PARVA: variants seen among roughly 807,000 people sequenced by gnomAD.
PARVA encodes the protein alpha-parvin.
In PARVA, 25 loss-of-function variants were observed where a neutral mutation model predicts 52.6. That is an observed-to-expected ratio of 0.48 (90% CI 0.35 to 0.66). The LOEUF (loss-of-function observed/expected upper bound fraction) is 0.66, where lower values mean the gene tolerates loss of function less well. Ranked by LOEUF, PARVA falls within the 30% of genes least tolerant of loss-of-function variation. The pLI is 0.01. For missense variants in PARVA, 373 were observed against 450.9 expected (o/e 0.83, Z 1.56); for synonymous variants, 185 against 179.1 (o/e 1.03, Z -0.26).
intron 1 of PARVA, among the ~76,000 whole-genome samples, chr11:12,467,316 T>C (rs1300963052): frequency 6.6e-6 from 1 of 152,214 alleles, no homozygotes; most frequent in Non-Finnish European, 1.5e-5. Flanking sequence ...TTTAGAAATA[T>C]CACCGGCAAA....
At chr11:12,418,164 G>A (rs545908430) in intron 1 of PARVA, among the ~76,000 whole-genome samples, 2 of 152,210 alleles carry the variant, frequency 1.3e-5, no homozygotes, top group Admixed American at 6.5e-5. Context: ...ATCAGCATGG[G>A]CCAAGGGGCC....
intron 4 of PARVA, among the ~76,000 whole-genome samples, chr11:12,482,026 G>T (rs191088383): frequency 2.6e-5 from 4 of 151,384 alleles, no homozygotes; most frequent in Admixed American, 6.6e-5. Context: ...AAAATTAGCC[G>T]GGCATGGTGG....
Position 12,529,234 on chromosome 11 carries a change from T to TAA in PARVA, c.*1309_*1310insAA, listed in dbSNP as rs1941742326. On this transcript the variant is annotated 3_prime_UTR_variant, in exon 13 of 13. Transcript: ENST00000334956. Reference sequence around the variant, plus strand: ...TTTGCGTGGGTTACTCAAGGGCTTGTGGTTACTTGTATCTCCTCTATGTGA... The same window carrying TAA: ...TTTGCGTGGGTTACTCAAGGGCTTGTAAGGTTACTTGTATCTCCTCTATGTGA... 6.6e-6 allele frequency: 1 copy of TAA among 152,196 alleles called. No homozygotes were observed. The highest frequency in any genetic ancestry group is 2.1e-4 in the South Asian group (1 of 4,830). 9.4% of individuals were successfully genotyped at this position (152,196 alleles called of 1,614,324 possible). A position where few individuals can be genotyped will look rare whatever the true frequency, so the allele number is the denominator to read the frequency against.
chr11:12,448,509 A>G (rs1427826156), intron 1 of PARVA, among the ~76,000 whole-genome samples: 1 of 152,174 alleles, frequency 6.6e-6, no homozygotes, highest in Admixed American at 6.5e-5. Flanking sequence ...CTCTGGGATG[A>G]GGTGCTCAGC....
intron 1 of PARVA, among the ~76,000 whole-genome samples, chr11:12,466,547 G>A (rs200311875): frequency 1.3e-5 from 2 of 151,774 alleles, no homozygotes; most frequent in African/African-American, 2.4e-5. Context: ...CTTGTGATCC[G>A]CCCGCCTCGG....
chr11:12,445,600 C>T (rs988186147), intron 1 of PARVA, among the ~76,000 whole-genome samples: 1 of 152,088 alleles, frequency 6.6e-6, no homozygotes, highest in African/African-American at 2.4e-5. Flanking sequence ...CTGGATCCTT[C>T]CTTCTGGTAG....
chr11:12,498,438 G>A (rs1941326004), intron 5 of PARVA, among the ~76,000 whole-genome samples: 1 of 152,130 alleles, frequency 6.6e-6, no homozygotes, highest in Admixed American at 6.5e-5. Flanking sequence ...GGAAATGTGT[G>A]CAAGAAAAAT....
At chr11:12,481,727 C>A (rs1941088971) in intron 4 of PARVA, among the ~76,000 whole-genome samples, 1 of 152,114 alleles carries the variant, frequency 6.6e-6, no homozygotes, top group Admixed American at 6.6e-5. Context: ...GGGGGTTGAG[C>A]TTCCTTAATA....
chr11:12,477,399 AT>A (rs1377811448), intron 3 of PARVA, among the ~76,000 whole-genome samples: 1 of 151,928 alleles, frequency 6.6e-6, no homozygotes, highest in Non-Finnish European at 1.5e-5. Context: ...CCAGCCTAAA[AT>A]TTTTTTTATG....
rs1179318271 is a variant in PARVA at position 12,531,800 on chromosome 11, C to G, written c.*3875C>G. Among the ~76,000 whole-genome samples, 1 of 152,002 alleles carries G rather than the reference C, an allele frequency of 6.6e-6. No individual in the cohort carries two copies. The highest frequency in any genetic ancestry group is 2.1e-4 in the South Asian group (1 of 4,818). On this transcript the variant is annotated 3_prime_UTR_variant, in exon 13 of 13. Coordinates refer to ENST00000334956, the MANE Select transcript of PARVA (RefSeq NM_018222.5). ...AAATCCAAGAGAATTGCTGCAGCTGCTGAAAACAAGAGAGCTGCATTAAGC... is the reference window on the plus strand; with the variant it reads ...AAATCCAAGAGAATTGCTGCAGCTGGTGAAAACAAGAGAGCTGCATTAAGC...
intron 5 of PARVA, 104 bp downstream of exon 5, chr11:12,496,702 G>A: frequency 5.4e-6 from 6 of 1,107,016 alleles, no homozygotes; most frequent in Non-Finnish European, 5.1e-6. Context: ...TTCAGGGGAG[G>A]GGGTCAAACT....
chr11:12,377,385 T>C (rs1939406510), upstream of PARVA: 1 of 1,356,042 alleles, frequency 7.4e-7, no homozygotes, highest in Non-Finnish European at 9.4e-7. Flanking sequence ...GGGGCAGTTT[T>C]GGGGCATCCT....
chr11:12,445,556 G>A (rs1460235727), intron 1 of PARVA, among the ~76,000 whole-genome samples: 3 of 151,352 alleles, frequency 2.0e-5, no homozygotes, highest in Non-Finnish European at 4.4e-5. Context: ...GATCTAGAGG[G>A]GCAAATACCA....
chr11:12,408,466 T>G (rs1939945991), intron 1 of PARVA, among the ~76,000 whole-genome samples: 1 of 152,178 alleles, frequency 6.6e-6, no homozygotes, highest in Non-Finnish European at 1.5e-5. Flanking sequence ...AGCTGGGGAC[T>G]GCTTGGGAGC....
At chr11:12,468,584 A>G (rs1449035135) in intron 1 of PARVA, among the ~76,000 whole-genome samples, 2 of 152,194 alleles carry the variant, frequency 1.3e-5, no homozygotes, top group Admixed American at 6.5e-5. Flanking sequence ...TGAGGCCTAG[A>G]AAAATACCTC....
chr11:12,520,556 G>C (rs1180386074), intron 12 of PARVA, among the ~76,000 whole-genome samples: 1 of 152,124 alleles, frequency 6.6e-6, no homozygotes, highest in African/African-American at 2.4e-5. Context: ...CTAGAAACTG[G>C]GTTTGTATCT....
At chr11:12,486,839 C>G (rs1231126758) in intron 4 of PARVA, among the ~76,000 whole-genome samples, 2 of 152,278 alleles carry the variant, frequency 1.3e-5, no homozygotes, top group African/African-American at 2.4e-5. Context: ...AAGTGAGACT[C>G]TGTCTCAAAA....
intron 12 of PARVA, among the ~76,000 whole-genome samples, chr11:12,522,384 A>C (rs111257752): frequency 6.6e-6 from 1 of 151,570 alleles, no homozygotes; most frequent in Admixed American, 6.6e-5. Flanking sequence ...AGCACTGAAA[A>C]CCTACCAGAG....
chr11:12,472,806 G>C (rs1940950844), intron 1 of PARVA, among the ~76,000 whole-genome samples: 1 of 152,146 alleles, frequency 6.6e-6, no homozygotes, highest in African/African-American at 2.4e-5. Context: ...GCCTTTCTGT[G>C]CTTAATTGGC....
Sources: gnomAD v4.1 joint callset for allele counts (sites outside exome capture counted in the v4.1 genomes callset) on GRCh38, gnomAD v4.1.1 for gene constraint, MANE v1.5 for transcripts, NCBI Gene and HGNC (gene_info 2026-07-23, HGNC 2026-07-21) for gene names.